CALCR: variants seen among roughly 807,000 people sequenced by gnomAD.
CALCR encodes calcitonin receptor.
Under a neutral mutation model 59.5 loss-of-function variants are expected in CALCR, and 47 were observed. The observed-to-expected ratio is 0.79, with a 90% CI of 0.63 to 1.01. The LOEUF (loss-of-function observed/expected upper bound fraction) is 1.01, where lower values mean the gene tolerates loss of function less well. CALCR is among the 50% of genes least tolerant of loss of function. The pLI is 0.00. For missense variants in CALCR, 566 were observed against 597.1 expected (o/e 0.95, Z 0.54); for synonymous variants, 213 against 211.3 (o/e 1.01, Z -0.07).
intron 2 of CALCR, among the ~76,000 whole-genome samples, chr7:93,513,195 A>G (rs1424995174): frequency 2.6e-5 from 4 of 152,184 alleles, no homozygotes; most frequent in African/African-American, 9.6e-5. Context: ...CTGGTTTCAG[A>G]GGAAATTAGG....
At chr7:93,486,525 T>C (rs1444982161) in intron 3 of CALCR, among the ~76,000 whole-genome samples, 1 of 151,484 alleles carries the variant, frequency 6.6e-6, no homozygotes, top group Non-Finnish European at 1.5e-5. Flanking sequence ...ACAGCCCAGA[T>C]GTTTTAAAAG....
chr7:93,446,309 A>C (rs1800005253), intron 8 of CALCR, among the ~76,000 whole-genome samples: 1 of 152,058 alleles, frequency 6.6e-6, no homozygotes, highest in Non-Finnish European at 1.5e-5. Flanking sequence ...CAAGCTGACT[A>C]TTAGAATTTT....
chr7:93,545,372 T>A (rs1368776982), intron 2 of CALCR, among the ~76,000 whole-genome samples: 1 of 152,178 alleles, frequency 6.6e-6, no homozygotes, highest in Non-Finnish European at 1.5e-5. Context: ...CAGTGTAATT[T>A]CTGCCTCTAG....
intron 2 of CALCR, among the ~76,000 whole-genome samples, chr7:93,501,347 T>C (rs544257911): frequency 7.2e-5 from 11 of 152,212 alleles, no homozygotes; most frequent in African/African-American, 2.2e-4. Flanking sequence ...CAGTTCACGT[T>C]TAAAAAATTG....
chr7:93,501,045 G>C (rs1279246976), intron 2 of CALCR, among the ~76,000 whole-genome samples: 1 of 151,918 alleles, frequency 6.6e-6, no homozygotes. Flanking sequence ...AAATTGTCTA[G>C]ATTCCCTTGA....
At chr7:93,479,558 C>A (rs1800748542) in intron 3 of CALCR, 51 bp from the exon 4 acceptor site, 2 of 1,511,934 alleles carry the variant, frequency 1.3e-6, no homozygotes, top group South Asian at 1.2e-5. Flanking sequence ...AATGGGTGAG[C>A]ACAAATAAAT....
Position 93,426,314 on chromosome 7 carries a change from A to G in CALCR, c.*42T>C. 9.0e-7 allele frequency: 1 copy of G among 1,111,264 alleles called. No individual in the cohort carries two copies. Among genetic ancestry groups the G allele is most frequent in the South Asian group, 1.2e-5 (1 of 80,274 alleles). 68.8% of individuals were successfully genotyped at this position (1,111,264 alleles called of 1,614,324 possible). A position where few individuals can be genotyped will look rare whatever the true frequency, so the allele number is the denominator to read the frequency against. On this transcript the variant is annotated 3_prime_UTR_variant, in exon 14 of 14. Transcript: ENST00000426151. ...TTAAATGCATGGTCTTTCTCCCAGGAAATGATGGCTCAGTGATCACGATGC... is the reference window on the plus strand; with the variant it reads ...TTAAATGCATGGTCTTTCTCCCAGGGAATGATGGCTCAGTGATCACGATGC...
Position 93,563,993 on chromosome 7 carries a change from A to G in CALCR, c.-27+10296T>C, listed in dbSNP as rs566794752. Among the ~76,000 whole-genome samples, 8 of 152,282 alleles carry G rather than the reference A, an allele frequency of 5.3e-5. No individual in the cohort carries two copies. In the East Asian group the frequency reaches 1.5e-3, roughly 29 times the overall value. ...AAATTACTGGCTCATAGTAAGTACTATGTGTTAGCTATTATTACCATTATT... is the reference window on the plus strand; with the variant it reads ...AAATTACTGGCTCATAGTAAGTACTGTGTGTTAGCTATTATTACCATTATT... On this transcript the variant is annotated intron_variant, in intron 2 of 13. Coordinates refer to ENST00000426151, the MANE Select transcript of CALCR (RefSeq NM_001742.4).
At chr7:93,483,202 C>G (rs149390742) in intron 3 of CALCR, among the ~76,000 whole-genome samples, 1 of 151,714 alleles carries the variant, frequency 6.6e-6, no homozygotes, top group Admixed American at 6.6e-5. Flanking sequence ...TATGTACATC[C>G]TCCTGTATTA....
intron 8 of CALCR, among the ~76,000 whole-genome samples, chr7:93,448,245 T>C (rs1036057885): frequency 1.3e-5 from 2 of 152,100 alleles, no homozygotes; most frequent in African/African-American, 4.8e-5. Flanking sequence ...AAAACTGGGG[T>C]ATTAGATTCA....
chr7:93,538,335 C>T (rs1156894434), intron 2 of CALCR, among the ~76,000 whole-genome samples: 1 of 151,990 alleles, frequency 6.6e-6, no homozygotes, highest in Non-Finnish European at 1.5e-5. Context: ...GTATTCCTAG[C>T]ATTTTTAGTG....
intron 2 of CALCR, among the ~76,000 whole-genome samples, chr7:93,490,305 A>G (rs1489848585): frequency 6.6e-6 from 1 of 151,886 alleles, no homozygotes; most frequent in Non-Finnish European, 1.5e-5. Flanking sequence ...ATCACATTGA[A>G]TGGGGATAAT....
At chr7:93,562,093 T>C (rs12666751) in intron 2 of CALCR, among the ~76,000 whole-genome samples, 103,147 of 151,576 alleles carry the variant, frequency 0.68, 36,293 homozygotes, top group African/African-American at 0.87. Context: ...ATATTAAGCC[T>C]TCAATAAATG....
intron 13 of CALCR, among the ~76,000 whole-genome samples, chr7:93,427,170 A>G (rs1799547832): frequency 6.6e-6 from 1 of 152,236 alleles, no homozygotes; most frequent in Admixed American, 6.5e-5. Context: ...TAAAATGTAA[A>G]CAAACTTGCC....
chr7:93,509,881 T>C (rs1273526692), intron 2 of CALCR, among the ~76,000 whole-genome samples: 1 of 152,178 alleles, frequency 6.6e-6, no homozygotes, highest in African/African-American at 2.4e-5. Context: ...ATTTATAGGA[T>C]TAATACATAA....
intron 5 of CALCR, among the ~76,000 whole-genome samples, chr7:93,474,936 C>T (rs373198888): frequency 2.6e-5 from 4 of 151,706 alleles, no homozygotes; most frequent in Admixed American, 6.6e-5. Context: ...AAGAACACTG[C>T]TATTGTTTAA....
At chr7:93,469,200 G>C (rs1800501895) in intron 6 of CALCR, among the ~76,000 whole-genome samples, 1 of 151,756 alleles carries the variant, frequency 6.6e-6, no homozygotes, top group Non-Finnish European at 1.5e-5. Flanking sequence ...GACTTTCCAA[G>C]CTGTCCTGAC....
chr7:93,463,619 C>A (rs1258875453), intron 7 of CALCR, among the ~76,000 whole-genome samples: 2 of 151,934 alleles, frequency 1.3e-5, no homozygotes, highest in East Asian at 3.9e-4. Flanking sequence ...CAAACAGGCG[C>A]TCTTGCCTTC....
At chr7:93,543,997 C>T (rs1211920977) in intron 2 of CALCR, among the ~76,000 whole-genome samples, 5 of 151,730 alleles carry the variant, frequency 3.3e-5, no homozygotes. Flanking sequence ...ACATAAACTG[C>T]TTAACATACA....
Sources: gnomAD v4.1 joint callset for allele counts (sites outside exome capture counted in the v4.1 genomes callset) on GRCh38, gnomAD v4.1.1 for gene constraint, MANE v1.5 for transcripts, NCBI Gene and HGNC (gene_info 2026-07-23, HGNC 2026-07-21) for gene names.